Variants in ZNF362 observed in about 807,000 individuals in gnomAD.
ZNF362 encodes the protein zinc finger protein 362.
A neutral mutation model predicts 42.9 loss-of-function variants in ZNF362; 11 were observed. The observed-to-expected ratio is 0.26, with a 90% confidence interval of 0.16 to 0.42. ZNF362 has a LOEUF of 0.42. Among genes scored for constraint, ZNF362 ranks in the 20% least tolerant of loss-of-function variants. The probability of loss-of-function intolerance (pLI) is 1.00; values close to 1 mark genes in which losing one functional copy is unlikely to be tolerated. For missense variants in ZNF362, 362 were observed against 576.2 expected (o/e 0.63, Z 3.81); for synonymous variants, 255 against 257.3 (o/e 0.99, Z 0.09).
the ZNF362 span, among the ~76,000 whole-genome samples, chr1:33,155,622 C>G: frequency 6.6e-6 from 1 of 152,124 alleles, no homozygotes; most frequent in African/African-American, 2.4e-5. Context: ...GTAGCATTTC[C>G]AAGTCGTGAC....
chr1:33,220,948 G>A, the ZNF362 span, among the ~76,000 whole-genome samples: 1 of 152,192 alleles, frequency 6.6e-6, no homozygotes, highest in Non-Finnish European at 1.5e-5. Flanking sequence ...GCTCTGTGGG[G>A]AATGTGGAAG....
At chr1:33,149,051 C>T in the ZNF362 span, among the ~76,000 whole-genome samples, 1 of 152,210 alleles carries the variant, frequency 6.6e-6, no homozygotes, top group African/African-American at 2.4e-5. Flanking sequence ...GTTGCAACCA[C>T]CCCCAGAGGC....
At chr1:33,132,653 C>T in the ZNF362 span, among the ~76,000 whole-genome samples, 1 of 152,240 alleles carries the variant, frequency 6.6e-6, no homozygotes, top group Admixed American at 6.5e-5. Flanking sequence ...ATGCACTTCT[C>T]ATACTCTGTT....
the ZNF362 span, among the ~76,000 whole-genome samples, chr1:33,189,657 A>ACT: frequency 9.8e-6 from 1 of 102,004 alleles, no homozygotes; most frequent in South Asian, 3.5e-4. Context: ...ATATATATAT[A>ACT]TATATATATA....
intron 8 of ZNF362, among the ~76,000 whole-genome samples, chr1:33,297,900 C>T (rs1646136802): frequency 6.6e-6 from 1 of 152,116 alleles, no homozygotes; most frequent in Non-Finnish European, 1.5e-5. Flanking sequence ...GTCCCCTTAC[C>T]CCCACTTTTT....
chr1:33,215,719 G>T, the ZNF362 span, among the ~76,000 whole-genome samples: 1 of 152,108 alleles, frequency 6.6e-6, no homozygotes, highest in Non-Finnish European at 1.5e-5. Flanking sequence ...TTGCAAAAAT[G>T]AAGTTCACAG....
chr1:33,161,193 A>G, the ZNF362 span, among the ~76,000 whole-genome samples: 1 of 152,218 alleles, frequency 6.6e-6, no homozygotes, highest in African/African-American at 2.4e-5. This position sits in a 1 kb window ranked among gnomAD's most constrained non-coding sequence, Gnocchi z 4.3. Flanking sequence ...GAAGACTGCA[A>G]TTCTAATAAG....
At chr1:33,205,290 C>A in the ZNF362 span, among the ~76,000 whole-genome samples, 34 of 151,890 alleles carry the variant, frequency 2.2e-4, 1 homozygote, top group Non-Finnish European at 7.4e-5. Context: ...TCAAGACCAG[C>A]CTGAGCAACA....
At chr1:33,193,000 CACACATAT>C in the ZNF362 span, among the ~76,000 whole-genome samples, 4 of 21,726 alleles carry the variant, frequency 1.8e-4, no homozygotes, top group South Asian at 8.8e-3. Context: ...CACACACACA[CACACATAT>C]ATATATATAT....
At chr1:33,130,388 T>C in the ZNF362 span, among the ~76,000 whole-genome samples, 1 of 152,362 alleles carries the variant, frequency 6.6e-6, no homozygotes, top group South Asian at 2.1e-4. Context: ...GGCTTCTGTT[T>C]TGGGCACCTT....
chr1:33,265,058 G>A (rs1570384211), intron 1 of ZNF362, among the ~76,000 whole-genome samples: 1 of 151,966 alleles, frequency 6.6e-6, no homozygotes, highest in Non-Finnish European at 1.5e-5. Flanking sequence ...CTGGCATGGA[G>A]GAAGCAACTA....
intron 2 of ZNF362, among the ~76,000 whole-genome samples, chr1:33,272,989 C>G (rs2148087470): frequency 6.6e-6 from 1 of 152,402 alleles, no homozygotes; most frequent in East Asian, 1.9e-4. Context: ...TGGCTTCAAG[C>G]CCCTCCCTTA....
chr1:33,276,464 G>A lies in ZNF362; in HGVS notation c.219G>A (p.Pro73=), dbSNP rs750043202. ...ASSQQPLLVP[P]APAESSQAVM... ...CGCAGCAGCCGTTGCTAGTGCCGCC[G>A]GCACCCGCCGAGAGCAGCCAGGCCG... is the stretch of plus-strand genomic sequence containing the variant. The change falls in exon 4 of 9, where the codon CCG becomes CCA. Residue 73 remains proline, a synonymous_variant. Coordinates refer to ENST00000539719, the MANE Select transcript of ZNF362 (RefSeq NM_152493.3). 6.3e-5 allele frequency: 98 copies of A among 1,553,910 alleles called. No individual in the cohort carries two copies. The highest frequency in any genetic ancestry group is 7.8e-5 in the Non-Finnish European group (90 of 1,153,974).
chr1:33,172,912 T>A, the ZNF362 span, among the ~76,000 whole-genome samples: 1 of 152,212 alleles, frequency 6.6e-6, no homozygotes, highest in South Asian at 2.1e-4. Flanking sequence ...CTCCGCAAGC[T>A]TTCACAGTGT....
At chr1:33,186,338 G>C in the ZNF362 span, among the ~76,000 whole-genome samples, 1 of 152,162 alleles carries the variant, frequency 6.6e-6, no homozygotes, top group South Asian at 2.1e-4. Context: ...TTGTGCTGAA[G>C]TGCTCTCTGG....
chr1:33,227,454 T>C, the ZNF362 span, among the ~76,000 whole-genome samples: 18 of 152,244 alleles, frequency 1.2e-4, no homozygotes, highest in Non-Finnish European at 2.5e-4. Context: ...GCCCAAGCCA[T>C]ATATAAGCCA....
chr1:33,145,817 A>C, the ZNF362 span: 1 of 469,160 alleles, frequency 2.1e-6, no homozygotes, highest in Non-Finnish European at 4.4e-6. Flanking sequence ...GCTGTGGCAG[A>C]AAAACGCAGG....
At chr1:33,161,211 C>T in the ZNF362 span, among the ~76,000 whole-genome samples, 593 of 152,314 alleles carry the variant, frequency 3.9e-3, 3 homozygotes, top group Middle Eastern at 6.8e-3. This position sits in a 1 kb window ranked among gnomAD's most constrained non-coding sequence, Gnocchi z 4.3. Flanking sequence ...AAGCGTTTCC[C>T]GGAAGTCTTC....
chr1:33,147,098 G>A, the ZNF362 span: 3 of 1,519,464 alleles, frequency 2.0e-6, no homozygotes, highest in Admixed American at 1.8e-5. The surrounding 1 kb of genome is among the most constrained non-coding windows in gnomAD (Gnocchi z 8.1). Context: ...GTGGGCTGGA[G>A]TCCAGGTCTT....
Sources: gnomAD v4.1 joint callset for allele counts (sites outside exome capture counted in the v4.1 genomes callset) on GRCh38, gnomAD v4.1.1 for gene constraint, Gnocchi (gnomAD v3.1) non-coding constraint, MANE v1.5 for transcripts, NCBI Gene and HGNC (gene_info 2026-07-23, HGNC 2026-07-21) for gene names.